The following KIAA1210 variants were observed in gnomAD, a reference collection of about 807,000 sequenced individuals.
The protein encoded by KIAA1210 is KIAA1210.
A neutral mutation model predicts 78.9 loss-of-function variants in KIAA1210; 48 were observed. That is an observed-to-expected ratio of 0.61 (90% confidence interval 0.48 to 0.77). The LOEUF (loss-of-function observed/expected upper bound fraction) is 0.77, where lower values mean the gene tolerates loss of function less well. KIAA1210 is among the 30% of genes least tolerant of loss of function. KIAA1210 has a pLI of 0.00. For synonymous variants in KIAA1210, 406 were observed against 404.5 expected (o/e 1.00, Z -0.04); for missense variants, 1,108 against 1,100.0 (o/e 1.01, Z -0.10).
At chrX:119,115,475 C>T (rs1928228915) in intron 3 of KIAA1210, among the ~76,000 whole-genome samples, 1 of 111,923 alleles carries the variant, frequency 8.9e-6, no homozygotes, top group Admixed American at 9.5e-5. Context: ...GTCTGCCCTA[C>T]TCCCAGCAAG....
chrX:119,081,901 G>T (rs1926980400), intron 11 of KIAA1210, among the ~76,000 whole-genome samples: 1 of 112,448 alleles, frequency 8.9e-6, no homozygotes, highest in Admixed American at 9.4e-5. Context: ...ATTTGTGTTT[G>T]CCAATCCACG....
exon 1 of KIAA1210, chrX:119,150,467 C>T: frequency 8.3e-7 from 1 of 1,211,844 alleles, no homozygotes; most frequent in Non-Finnish European, 1.1e-6. Context: ...CGCTCGACTT[C>T]CAATCCTGGC....
chrX:119,138,474 C>T (rs1430275606), intron 2 of KIAA1210, among the ~76,000 whole-genome samples: 1 of 110,971 alleles, frequency 9.0e-6, no homozygotes, highest in Non-Finnish European at 1.9e-5. Flanking sequence ...CCGCCTTGGC[C>T]TCCAAAAGTG....
At chrX:119,108,704 A>G (rs1927971753) in intron 4 of KIAA1210, among the ~76,000 whole-genome samples, 1 of 109,712 alleles carries the variant, frequency 9.1e-6, no homozygotes, top group South Asian at 4.0e-4. Context: ...GTCTCCACAA[A>G]AAGTACCAAA....
At position 119,100,780 on chromosome X, in the gene KIAA1210, C is replaced by T. The variant is rs183625162; in HGVS notation, c.649-4089G>A. On this transcript the variant is annotated intron_variant, in intron 6 of 11. Coordinates refer to ENST00000691062, the MANE Select transcript of KIAA1210 (RefSeq NM_001394962.1). ...TTTATTTCCCACACTCTATGTCCAC[C>T]GTGTACACATTATTTAGCTCCCACT... Among the ~76,000 whole-genome samples, 20 of 112,150 alleles carry T rather than the reference C, an allele frequency of 1.8e-4. No homozygotes were observed. In the East Asian group the frequency reaches 2.5e-3, roughly 14 times the overall value.
chrX:119,138,910 A>T (rs1377335280), intron 2 of KIAA1210, among the ~76,000 whole-genome samples: 1 of 112,060 alleles, frequency 8.9e-6, no homozygotes, highest in East Asian at 2.8e-4. Context: ...CCAGCTGGAC[A>T]CTGCCCCGTT....
chrX:119,099,007 T>C (rs1041350870), intron 6 of KIAA1210, among the ~76,000 whole-genome samples: 2 of 111,991 alleles, frequency 1.8e-5, no homozygotes, highest in East Asian at 5.6e-4. Flanking sequence ...CTCTGTATTA[T>C]TTTAGTTATT....
chrX:119,080,553 T>C lies in KIAA1210; in HGVS notation c.*776A>G, dbSNP rs1926914897. The stretch of plus-strand genomic sequence containing the variant: ...GGCTCATAAAACCTAAAGGCCAATC[T>C]TTAGGTCAAATCATCTGAATGTTTC... On this transcript the variant is annotated 3_prime_UTR_variant, in exon 12 of 12. Transcript: ENST00000691062. 1 of 112,337 alleles carries C rather than the reference T, an allele frequency of 8.9e-6. No homozygotes were observed. The highest frequency in any genetic ancestry group is 3.7e-4 in the South Asian group (1 of 2,682). The allele number at this position is 112,337 out of a possible 1,213,427, so 9.3% of individuals were successfully genotyped here.
At chrX:119,112,577 C>T (rs754937866) in intron 3 of KIAA1210, among the ~76,000 whole-genome samples, 3 of 112,291 alleles carry the variant, frequency 2.7e-5, no homozygotes, top group Non-Finnish European at 3.8e-5. Context: ...AGATGCTCAA[C>T]ATCACCAGTT....
intron 2 of KIAA1210, among the ~76,000 whole-genome samples, chrX:119,142,422 G>A (rs749854549): frequency 8.9e-6 from 1 of 111,758 alleles, no homozygotes; most frequent in African/African-American, 3.2e-5. Flanking sequence ...CTTCTGGTGA[G>A]GACCTCAGGA....
intron 5 of KIAA1210, 87 bp from the exon 6 acceptor site, chrX:119,105,234 T>A: frequency 3.2e-6 from 3 of 950,882 alleles, no homozygotes; most frequent in Non-Finnish European, 4.2e-6. Context: ...TTAATAAGAG[T>A]AAGGAATCCA....
chrX:119,141,905 A>G (rs1301133949), intron 2 of KIAA1210, among the ~76,000 whole-genome samples: 1 of 112,860 alleles, frequency 8.9e-6, no homozygotes, highest in Non-Finnish European at 1.9e-5. Context: ...ATCATAAGTC[A>G]TCTTTGTGTA....
At chrX:119,146,255 A>G (rs904225966) in intron 2 of KIAA1210, among the ~76,000 whole-genome samples, 3 of 112,337 alleles carry the variant, frequency 2.7e-5, no homozygotes, top group Non-Finnish European at 5.6e-5. Context: ...CACAATGTAT[A>G]CATATATCAA....
chrX:119,105,043 A>G lies in KIAA1210; in HGVS notation c.597T>C (p.Pro199=). ...LVEISLDDES[P]KNPQKKALPH... ...GTAAAGCCTTCTTTTGTGGATTCTT[A>G]GGTGACTCATCATCGAGAGAGATTT... Residue 199 remains proline, a synonymous_variant, in exon 6 of 12, where the codon CCT becomes CCC. Coordinates refer to ENST00000691062, the MANE Select transcript of KIAA1210 (RefSeq NM_001394962.1). 1 of 1,209,553 alleles carries G rather than the reference A, an allele frequency of 8.3e-7. No individual in the cohort carries two copies. Among genetic ancestry groups the G allele is most frequent in the Non-Finnish European group, 1.1e-6 (1 of 894,060 alleles).
chrX:119,146,162 T>TCTTTTTTTGAA (rs1929162321), intron 2 of KIAA1210, among the ~76,000 whole-genome samples: 1 of 111,851 alleles, frequency 8.9e-6, no homozygotes, highest in Non-Finnish European at 1.9e-5. Flanking sequence ...AAAATGCACT[T>TCTTTTTTTGAA]TCAAAGGATT....
intron 1 of KIAA1210, among the ~76,000 whole-genome samples, chrX:119,123,853 A>C (rs930576530): frequency 8.9e-6 from 1 of 112,080 alleles, no homozygotes; most frequent in Non-Finnish European, 1.9e-5. Context: ...TTTACATAAA[A>C]TGTCCAGAAT....
chrX:119,083,998 CAAAAAAAAAAAA>C (rs751363845), intron 10 of KIAA1210, among the ~76,000 whole-genome samples: 1 of 16,955 alleles, frequency 5.9e-5, no homozygotes, highest in Non-Finnish European at 1.2e-4. Flanking sequence ...GAACCTGTCT[CAAAAAAAAAAAA>C]AAAAAAAAAA....
intron 2 of KIAA1210, among the ~76,000 whole-genome samples, chrX:119,132,918 G>A (rs1928827636): frequency 8.9e-6 from 1 of 112,101 alleles, no homozygotes; most frequent in South Asian, 3.7e-4. Flanking sequence ...TTACAGGCAT[G>A]AGCCACTGCA....
At chrX:119,127,437 T>C (rs905598103) in intron 1 of KIAA1210, among the ~76,000 whole-genome samples, 6 of 111,417 alleles carry the variant, frequency 5.4e-5, no homozygotes, top group African/African-American at 2.0e-4. Flanking sequence ...AATAGAATCA[T>C]TGCATTTAAC....
Sources: allele counts gnomAD v4.1 joint callset (sites outside exome capture counted in the v4.1 genomes callset), GRCh38; gene constraint gnomAD v4.1.1; transcripts MANE v1.5; gene names NCBI Gene and HGNC (gene_info 2026-07-23, HGNC 2026-07-21).